The following RYR3 variants were observed in gnomAD, a reference collection of about 807,000 sequenced individuals.
RYR3 encodes the protein ryanodine receptor 3.
Under a neutral mutation model 584.3 loss-of-function variants are expected in RYR3, and 207 were observed. The ratio of observed to expected loss-of-function variants is 0.35; its 90% CI spans 0.32 to 0.40. The LOEUF is 0.40. RYR3 is among the 10% of genes least tolerant of loss of function. RYR3 has a pLI of 1.00. For synonymous variants in RYR3, 2,416 were observed against 2,248.5 expected, an observed-to-expected ratio of 1.07 and a Z score of -2.11; for missense variants, 5,616 against 6,089.2, an observed-to-expected ratio of 0.92 and a Z score of 2.59.
chr15:33,388,572 GACAA>G (rs1462681099), intron 1 of RYR3, among the ~76,000 whole-genome samples: 2 of 152,080 alleles, frequency 1.3e-5, no homozygotes, highest in Non-Finnish European at 2.9e-5. Context: ...CAAGAATGAA[GACAA>G]GGACAAGTAT....
chr15:33,567,158 T>C (rs997636938), intron 12 of RYR3, among the ~76,000 whole-genome samples: 1 of 152,220 alleles, frequency 6.6e-6, no homozygotes, highest in Non-Finnish European at 1.5e-5. Flanking sequence ...CCATGTGTTA[T>C]GTAGAAAGGG....
At chr15:33,685,417 C>A (rs1168000911) in intron 38 of RYR3, among the ~76,000 whole-genome samples, 4 of 152,064 alleles carry the variant, frequency 2.6e-5, no homozygotes, top group Non-Finnish European at 5.9e-5. Flanking sequence ...ATATATGCAC[C>A]CAATACAGGA....
At chr15:33,788,115 C>A in intron 66 of RYR3, 103 bp from the exon 67 acceptor site, 1 of 1,437,778 alleles carries the variant, frequency 7.0e-7, no homozygotes, top group Non-Finnish European at 9.6e-7. Flanking sequence ...CAGGTGCCAT[C>A]CTGAGTCGAT....
intron 34 of RYR3, among the ~76,000 whole-genome samples, chr15:33,661,615 G>A (rs781059241): frequency 5.9e-5 from 9 of 152,156 alleles, no homozygotes; most frequent in South Asian, 4.2e-4. Flanking sequence ...ATCATCAGGC[G>A]TTAGATTCTT....
chr15:33,706,322 A>G (rs1566990810), intron 42 of RYR3, among the ~76,000 whole-genome samples: 1 of 152,172 alleles, frequency 6.6e-6, no homozygotes, highest in African/African-American at 2.4e-5. Flanking sequence ...ACCACCATCT[A>G]TCTCCATAAC....
At chr15:33,756,237 T>A in intron 58 of RYR3, 69 bp from the exon 59 acceptor site, 1 of 1,059,284 alleles carries the variant, frequency 9.4e-7, no homozygotes, top group South Asian at 1.3e-5. Flanking sequence ...GCTGCTCTGT[T>A]TCTAAAATGT....
intron 1 of RYR3, among the ~76,000 whole-genome samples, chr15:33,325,663 C>CCTCT (rs1237672732): frequency 3.3e-5 from 5 of 151,448 alleles, no homozygotes; most frequent in Non-Finnish European, 4.4e-5. Context: ...CTTTTCTTTT[C>CCTCT]CTTTCCTGCC....
intron 1 of RYR3, among the ~76,000 whole-genome samples, chr15:33,381,686 G>T (rs1411399768): frequency 6.6e-6 from 1 of 152,112 alleles, no homozygotes; most frequent in Non-Finnish European, 1.5e-5. Flanking sequence ...GGCCTCTTGT[G>T]GTTCTGCAAG....
At chr15:33,758,556 C>T (rs1021503726) in intron 60 of RYR3, among the ~76,000 whole-genome samples, 21 of 152,178 alleles carry the variant, frequency 1.4e-4, no homozygotes, top group Non-Finnish European at 2.6e-4. Flanking sequence ...GAACGCACCA[C>T]AGCACGGCAA....
chr15:33,410,750 C>A (rs546777926), intron 1 of RYR3, among the ~76,000 whole-genome samples: 3 of 152,180 alleles, frequency 2.0e-5, no homozygotes, highest in Non-Finnish European at 4.4e-5. Flanking sequence ...GAACCATGGA[C>A]GCTGTATTAG....
In RYR3 at chr15:33,861,798, CTGTTTTCATACTGCCTTTTTT is replaced by C. The variant is rs542493412; in HGVS notation, c.14465+627_14465+647del. Among the ~76,000 whole-genome samples, 93 of 152,272 alleles carry C rather than the reference CTGTTTTCATACTGCCTTTTTT, an allele frequency of 6.1e-4. 6 individuals carry two copies. The South Asian group carries it at 0.019, about 31-fold the overall frequency. On this transcript the variant is annotated intron_variant, in intron 102 of 103. Coordinates refer to ENST00000634891, the MANE Select transcript of RYR3 (RefSeq NM_001036.6). ...TGACCTGGGATATTTTTGGGCATGT[CTGTTTTCATACTGCCTTTTTT>C]TGTTTTTGTTGGCCAGGCTGGTCTT...
intron 2 of RYR3, among the ~76,000 whole-genome samples, chr15:33,490,645 T>C (rs918644300): frequency 6.6e-6 from 1 of 151,896 alleles, no homozygotes; most frequent in Non-Finnish European, 1.5e-5. Flanking sequence ...AGAGAGCTTT[T>C]AGAATTTAAT....
chr15:33,415,669 C>G (rs2141543301), intron 1 of RYR3, among the ~76,000 whole-genome samples: 1 of 152,240 alleles, frequency 6.6e-6, no homozygotes, highest in South Asian at 2.1e-4. Flanking sequence ...GAACTAGACT[C>G]AATTTTATTT....
At chr15:33,794,121 ATATATATT>A (rs1387061283) in intron 67 of RYR3, among the ~76,000 whole-genome samples, 2,939 of 128,940 alleles carry the variant, frequency 0.023, 156 homozygotes, top group African/African-American at 0.08. Context: ...ATATACATAA[ATATATATT>A]TATATATAAT....
At chr15:33,841,330 G>A (rs2078350693) in intron 90 of RYR3, among the ~76,000 whole-genome samples, 1 of 152,152 alleles carries the variant, frequency 6.6e-6, no homozygotes, top group African/African-American at 2.4e-5. Context: ...TATTCTGCAA[G>A]CCCTGGGTAT....
At chr15:33,621,238 G>A (rs2060708818) in intron 19 of RYR3, among the ~76,000 whole-genome samples, 3 of 152,172 alleles carry the variant, frequency 2.0e-5, no homozygotes, top group Admixed American at 2.0e-4. Context: ...TCATTTACTT[G>A]TTCTTGGAGT....
intron 68 of RYR3, among the ~76,000 whole-genome samples, chr15:33,801,482 A>C (rs1198369154): frequency 6.6e-6 from 1 of 152,192 alleles, no homozygotes; most frequent in East Asian, 1.9e-4. Context: ...ACAGCTTTGC[A>C]GGGCCCTTTC....
rs573481775 is a variant in RYR3, at chr15:33,756,241, A to G, written c.8516-65A>G. 1.2e-5 allele frequency: 13 copies of G among 1,116,982 alleles called. No homozygotes were observed. The Admixed American group carries it at 1.6e-4, about 14-fold the overall frequency. The allele number at this position is 1,116,982 out of a possible 1,614,324, so 69.2% of individuals were successfully genotyped here. On this transcript the variant is annotated intron_variant, in intron 58 of 103. Coordinates refer to ENST00000634891, the MANE Select transcript of RYR3 (RefSeq NM_001036.6). The stretch of plus-strand genomic sequence containing the variant: ...CCTTTAGAAAAGCTGCTCTGTTTCT[A>G]AAATGTTGTGACTGATTTTTACTTC...
chr15:33,572,638 T>TAAAA (rs71117149), intron 12 of RYR3, among the ~76,000 whole-genome samples: 3 of 101,598 alleles, frequency 3.0e-5, no homozygotes, highest in Non-Finnish European at 5.6e-5. Context: ...CTCATTAAAT[T>TAAAA]AAAAAAAAAA....
Sources: allele counts gnomAD v4.1 joint callset (sites outside exome capture counted in the v4.1 genomes callset), GRCh38; gene constraint gnomAD v4.1.1; transcripts MANE v1.5; gene names NCBI Gene and HGNC (gene_info 2026-07-23, HGNC 2026-07-21).